CCR9: variants seen among roughly 807,000 people sequenced by gnomAD.
CCR9 encodes C-C chemokine receptor type 9.
In CCR9, 4 loss-of-function variants were observed where a neutral mutation model predicts 8.7. That is an observed-to-expected ratio of 0.46 (90% CI 0.23 to 1.06). CCR9 has a LOEUF of 1.06. Ranked by LOEUF, CCR9 falls within the 50% of genes least tolerant of loss-of-function variation. The pLI is 0.21. For missense variants in CCR9, 394 were observed against 453.6 expected, an observed-to-expected ratio of 0.87 and a Z score of 1.19; for synonymous variants, 159 against 168.8, an observed-to-expected ratio of 0.94 and a Z score of 0.45.
Position 45,901,862 on chromosome 3 carries a change from G to T in CCR9, c.1074G>T (p.Met358Ile), listed in dbSNP as rs762500309. 4 of 1,609,046 alleles carry T rather than the reference G, an allele frequency of 2.5e-6. No individual in the cohort carries two copies. The highest frequency in any genetic ancestry group is 3.4e-6 in the Non-Finnish European group (4 of 1,175,944). ...RREGSLKLSS[M>I]LLETTSGALS... Reference sequence around the variant, plus strand: ...AGGGAAGCTTGAAGCTGTCGTCTATGTTGCTGGAGACAACCTCAGGAGCAC... The same window carrying T: ...AGGGAAGCTTGAAGCTGTCGTCTATTTTGCTGGAGACAACCTCAGGAGCAC... Residue 358 changes from methionine to isoleucine, a missense_variant, in exon 3 of 3, where the codon ATG becomes ATT. Met to Ile is a conservative substitution (Grantham distance 10). Coordinates refer to ENST00000357632, the MANE Select transcript of CCR9 (RefSeq NM_031200.3). This position sits in a 1 kb window ranked among gnomAD's most constrained non-coding sequence, Gnocchi z 4.3.
At chr3:45,886,710 G>A (rs1701991008) in intron 1 of CCR9, 55 bp downstream of exon 1, 1 of 152,334 alleles carries the variant, frequency 6.6e-6, no homozygotes, top group Non-Finnish European at 1.5e-5. Flanking sequence ...TTGGCCCTCA[G>A]TTGTGTGCTG....
chr3:45,900,015 G>A lies in CCR9; in HGVS notation c.22-795G>A, dbSNP rs1702496116. Among the ~76,000 whole-genome samples, 1 of 152,176 alleles carries A rather than the reference G, an allele frequency of 6.6e-6. No homozygotes were observed. Among genetic ancestry groups the A allele is most frequent in the Admixed American group, 6.5e-5 (1 of 15,276 alleles). ...CATGAGTGTTGGCATGTTTGTGTAC[G>A]AGAGCATGTGCAAGTGCATGTATTA... On this transcript the variant is annotated intron_variant, in intron 2 of 2. Transcript: ENST00000357632. The surrounding 1 kb of genome is among the most constrained non-coding windows in gnomAD (Gnocchi z 4.7).
At chr3:45,897,355 C>G (rs1702388519) in intron 2 of CCR9, among the ~76,000 whole-genome samples, 1 of 152,156 alleles carries the variant, frequency 6.6e-6, no homozygotes, top group South Asian at 2.1e-4. Flanking sequence ...ACCTAACTAA[C>G]TAAGTAACTT....
intron 1 of CCR9, among the ~76,000 whole-genome samples, chr3:45,888,776 A>G (rs1404503284): frequency 6.6e-6 from 1 of 152,218 alleles, no homozygotes; most frequent in East Asian, 1.9e-4. Flanking sequence ...AGAATAAAAT[A>G]TTTGAGAAGT....
intron 1 of CCR9, among the ~76,000 whole-genome samples, chr3:45,890,310 T>TATATATAAATATATATATAACATAA (rs1702124568): frequency 3.2e-5 from 2 of 63,014 alleles, no homozygotes; most frequent in African/African-American, 1.7e-4. Flanking sequence ...ATAACATATA[T>TATATATAAATATATATATAACATAA]ATATATTTAT....
At position 45,901,857 on chromosome 3, in the gene CCR9, T is replaced by G; in HGVS notation, c.1069T>G (p.Ser357Ala). Residue 357 changes from serine to alanine, a missense_variant, in exon 3 of 3, where the codon TCT (serine) becomes GCT (alanine). Coordinates refer to ENST00000357632, the MANE Select transcript of CCR9 (RefSeq NM_031200.3). This position sits in a 1 kb window ranked among gnomAD's most constrained non-coding sequence, Gnocchi z 4.3. ...TRREGSLKLS[S>A]MLLETTSGAL... Reference sequence around the variant, plus strand: ...GAGAGAGGGAAGCTTGAAGCTGTCGTCTATGTTGCTGGAGACAACCTCAGG... The same window carrying G: ...GAGAGAGGGAAGCTTGAAGCTGTCGGCTATGTTGCTGGAGACAACCTCAGG... 9.9e-6 allele frequency: 16 copies of G among 1,610,276 alleles called. No homozygotes were observed. The highest frequency in any genetic ancestry group is 1.4e-5 in the Non-Finnish European group (16 of 1,176,888).
At chr3:45,889,359 A>C (rs1044342594) in intron 1 of CCR9, among the ~76,000 whole-genome samples, 6 of 152,194 alleles carry the variant, frequency 3.9e-5, no homozygotes, top group African/African-American at 1.4e-4. Flanking sequence ...ACTTAGTTGC[A>C]TAAAGTAGCC....
In CCR9 at chr3:45,900,666, C is replaced by A; in HGVS notation, c.22-144C>A. ...ATAAATAAATATGTCACAACCCAAG[C>A]AGATGTCCTCAGAATGCCTATGTGT... On this transcript the variant is annotated intron_variant, in intron 2 of 2. Transcript: ENST00000357632. This position sits in a 1 kb window ranked among gnomAD's most constrained non-coding sequence, Gnocchi z 4.7. The A allele has an allele frequency of 1.4e-6, 1 of 730,120 alleles. No individual in the cohort carries two copies. The highest frequency in any genetic ancestry group is 2.3e-6 in the Non-Finnish European group (1 of 436,244). The allele number at this position is 730,120 out of a possible 1,614,324, so 45.2% of individuals were successfully genotyped here.
intron 2 of CCR9, among the ~76,000 whole-genome samples, chr3:45,898,424 A>C (rs747445191): frequency 1.6e-4 from 24 of 152,254 alleles, no homozygotes; most frequent in Non-Finnish European, 3.2e-4. Flanking sequence ...GTGTAAACTG[A>C]AATGGATTAA....
At chr3:45,893,308 C>T (rs1188566333) in intron 1 of CCR9, among the ~76,000 whole-genome samples, 3 of 152,162 alleles carry the variant, frequency 2.0e-5, no homozygotes, top group Non-Finnish European at 4.4e-5. Context: ...GCGCACACCA[C>T]CACACCTGGC....
intron 1 of CCR9, among the ~76,000 whole-genome samples, chr3:45,890,253 T>TTATAAATATATATATATATTTA (rs1702106618): frequency 5.8e-4 from 1 of 1,716 alleles, no homozygotes; most frequent in East Asian, 0.083. Flanking sequence ...GCCCTGGGTA[T>TTATAAATATATATATATATTTA]TAGAAATATA....
At chr3:45,894,869 A>C (rs1299448315) in intron 1 of CCR9, 37 bp from the exon 2 acceptor site, 1 of 1,506,278 alleles carries the variant, frequency 6.6e-7, no homozygotes, top group East Asian at 2.3e-5. Flanking sequence ...ATTCGTTTAC[A>C]AGCCAGTCCA....
At chr3:45,895,671 G>T (rs952504967) in intron 2 of CCR9, among the ~76,000 whole-genome samples, 1 of 150,878 alleles carries the variant, frequency 6.6e-6, no homozygotes, top group East Asian at 1.9e-4. Flanking sequence ...CCAAGATCAC[G>T]CCATTGCACT....
chr3:45,890,969 G>A (rs1021104555), intron 1 of CCR9, among the ~76,000 whole-genome samples: 1 of 152,170 alleles, frequency 6.6e-6, no homozygotes. Flanking sequence ...ATAGAAACAC[G>A]GCTGGGAGGG....
chr3:45,890,306 T>TATATATAAATATATATATAAC (rs1702122345), intron 1 of CCR9, among the ~76,000 whole-genome samples: 3 of 15,468 alleles, frequency 1.9e-4, no homozygotes, highest in African/African-American at 5.6e-4. Flanking sequence ...ATATATAACA[T>TATATATAAATATATATATAAC]ATATATATAT....
Position 45,901,975 on chromosome 3 carries a change from G to T in CCR9, c.*77G>T. ...AACAGTTTCCCCACTGATGGGACCA[G>T]AGAGAGTGAAAGAGAAAAGAAAACT... is the stretch of plus-strand genomic sequence containing the variant. On this transcript the variant is annotated 3_prime_UTR_variant, in exon 3 of 3. Coordinates refer to ENST00000357632, the MANE Select transcript of CCR9 (RefSeq NM_031200.3). This position sits in a 1 kb window ranked among gnomAD's most constrained non-coding sequence, Gnocchi z 4.3. The T allele has an allele frequency of 8.3e-7, 1 of 1,211,712 alleles. No homozygotes were observed. The highest frequency in any genetic ancestry group is 1.5e-5 in the South Asian group (1 of 65,262). The allele number at this position is 1,211,712 out of a possible 1,614,324, so 75.1% of individuals were successfully genotyped here. A position where few individuals can be genotyped will look rare whatever the true frequency, so the allele number is the denominator to read the frequency against.
At chr3:45,894,862 C>A (rs201704049) in intron 1 of CCR9, 44 bp from the exon 2 acceptor site, 2 of 1,410,628 alleles carry the variant, frequency 1.4e-6, no homozygotes, top group Non-Finnish European at 2.0e-6. Flanking sequence ...TGTTACTATT[C>A]GTTTACAAGC....
chr3:45,892,507 G>T (rs1265985868), intron 1 of CCR9, among the ~76,000 whole-genome samples: 4 of 152,120 alleles, frequency 2.6e-5, no homozygotes, highest in African/African-American at 9.7e-5. Context: ...GGAGCTAAAT[G>T]TTGAGTACAT....
At position 45,901,412 on chromosome 3, in the gene CCR9, C is replaced by A; in HGVS notation, c.624C>A (p.Thr208=). 1 of 1,614,174 alleles carries A rather than the reference C, an allele frequency of 6.2e-7. No individual in the cohort carries two copies. Among genetic ancestry groups the A allele is most frequent in the Non-Finnish European group, 8.5e-7 (1 of 1,180,038 alleles). Reference sequence around the variant, plus strand: ...TGGTTTACCCTAGCGATGAGAGCACCAAACTGAAGTCAGCTGTCTTGACCC... The same window carrying A: ...TGGTTTACCCTAGCGATGAGAGCACAAAACTGAAGTCAGCTGTCTTGACCC... ...CTMVYPSDES[T]KLKSAVLTLK... Residue 208 remains threonine (T), a synonymous_variant, in exon 3 of 3, where the codon ACC becomes ACA. Transcript: ENST00000357632. This position sits in a 1 kb window ranked among gnomAD's most constrained non-coding sequence, Gnocchi z 4.3.
Sources: allele counts gnomAD v4.1 joint callset (sites outside exome capture counted in the v4.1 genomes callset), GRCh38; gene constraint gnomAD v4.1.1; non-coding constraint Gnocchi (gnomAD v3.1); transcripts MANE v1.5; gene names NCBI Gene and HGNC (gene_info 2026-07-23, HGNC 2026-07-21).